Variants in ERC1 observed in about 807,000 individuals in gnomAD.
The protein encoded by ERC1 is RAB6 interacting protein 2.
A neutral mutation model predicts 132.0 loss-of-function variants in ERC1; 56 were observed. That is an observed-to-expected ratio of 0.42 (90% CI 0.34 to 0.53). ERC1 has a LOEUF of 0.53. ERC1 is among the 20% of genes least tolerant of loss of function. ERC1 has a pLI of 0.03. For missense variants in ERC1, 1,202 were observed against 1,349.9 expected (o/e 0.89, Z 1.72); for synonymous variants, 478 against 476.1 (o/e 1.00, Z -0.05).
rs1292451068 is a variant in ERC1, at chr12:1,189,931, A to T, written c.2230A>T (p.Ile744Phe). The T allele has an allele frequency of 1.2e-6, 2 of 1,614,010 alleles. No homozygotes were observed. Among genetic ancestry groups the T allele is most frequent in the Non-Finnish European group, 1.7e-6 (2 of 1,180,004 alleles). Residue 744 changes from isoleucine to phenylalanine, a missense_variant, in exon 12 of 19, where the codon ATC (isoleucine) becomes TTC (phenylalanine). Transcript: ENST00000360905. ...SDRIQHLEREITRYKDESSKA... is the reference protein window; with the variant it reads ...SDRIQHLEREFTRYKDESSKA... ...CCGAATACAGCACTTGGAGAGAGAGATCACCAGGTACAAAGATGAATCTAG... is the reference window on the plus strand; with the variant it reads ...CCGAATACAGCACTTGGAGAGAGAGTTCACCAGGTACAAAGATGAATCTAG...
chr12:1,138,196 T>TACA (rs569051230), intron 7 of ERC1, among the ~76,000 whole-genome samples: 1 of 110,730 alleles, frequency 9.0e-6, no homozygotes, highest in African/African-American at 3.8e-5. Context: ...CATATATAAT[T>TACA]ATATATGATA....
intron 3 of ERC1, among the ~76,000 whole-genome samples, chr12:1,093,305 A>G (rs1237671981): frequency 6.6e-6 from 1 of 152,146 alleles, no homozygotes; most frequent in African/African-American, 2.4e-5. Flanking sequence ...TAGCTTTTGT[A>G]TTATTTCGCT....
chr12:1,345,187 C>CTTCTTTTTTTT lies in ERC1; in HGVS notation c.2781-26644_2781-26643insCTTTTTTTTTT, dbSNP rs1555368776. ...AGAGAATTTCAGTAGAATATTTCTTCTTTTTTTTTTTGAGACGGAGTCTCA... is the reference window on the plus strand; with the variant it reads ...AGAGAATTTCAGTAGAATATTTCTTCTTCTTTTTTTTTTTTTTTTTTTGAGACGGAGTCTCA... On this transcript the variant is annotated intron_variant, in intron 15 of 18. Coordinates refer to ENST00000360905, the MANE Select transcript of ERC1 (RefSeq NM_178040.4). 3.3e-3 allele frequency among the ~76,000 whole-genome samples: 432 copies of CTTCTTTTTTTT among 131,468 alleles called. 6 individuals are homozygous for CTTCTTTTTTTT. The highest frequency in any genetic ancestry group is 0.012 in the African/African-American group (409 of 33,788). 86.2% of individuals were successfully genotyped at this position (131,468 alleles called of 152,430 possible). A position where few individuals can be genotyped will look rare whatever the true frequency, so the allele number is the denominator to read the frequency against.
At chr12:1,222,900 T>C (rs567102579) in intron 12 of ERC1, among the ~76,000 whole-genome samples, 2 of 152,326 alleles carry the variant, frequency 1.3e-5, no homozygotes, top group African/African-American at 4.8e-5. Flanking sequence ...CAATTAATTT[T>C]GCTAGGTGTT....
intron 18 of ERC1, among the ~76,000 whole-genome samples, chr12:1,487,372 A>ATTTTTTTTTTTTTT (rs574707385): frequency 1.7e-5 from 1 of 57,920 alleles, no homozygotes; most frequent in African/African-American, 6.2e-5. Flanking sequence ...AAGCATCTAG[A>ATTTTTTTTTTTTTT]TTTTTTTTTT....
At chr12:1,260,741 T>C (rs2077090764) in intron 13 of ERC1, among the ~76,000 whole-genome samples, 2 of 152,228 alleles carry the variant, frequency 1.3e-5, no homozygotes, top group South Asian at 4.1e-4. Context: ...TTCTTTCTCT[T>C]GTATTTTACT....
At chr12:1,092,412 T>G (rs1943368173) in intron 3 of ERC1, among the ~76,000 whole-genome samples, 1 of 152,266 alleles carries the variant, frequency 6.6e-6, no homozygotes, top group Admixed American at 6.5e-5. Context: ...GCAGTCCTGG[T>G]ATATTTGTTT....
rs572079378 is a variant in ERC1, at chr12:1,445,700, G to T, written c.3213+950G>T. On this transcript the variant is annotated intron_variant, in intron 18 of 18. Transcript: ENST00000360905. ...TGGAATTACCTTTTGAAGGAAGTAC[G>T]ATTCTTGGCTCAGTGTAACTTACTC... Among the ~76,000 whole-genome samples, 3 of 152,298 alleles carry T rather than the reference G, an allele frequency of 2.0e-5. No homozygotes were observed. In the East Asian group the frequency reaches 5.8e-4, roughly 29 times the overall value.
chr12:1,265,135 G>A (rs954986614), intron 14 of ERC1, among the ~76,000 whole-genome samples: 2 of 152,176 alleles, frequency 1.3e-5, no homozygotes, highest in African/African-American at 4.8e-5. Context: ...CTTCAGAGAA[G>A]GGATGGTGAC....
intron 16 of ERC1, chr12:1,380,021 A>C (rs1390009617): frequency 1.3e-5 from 2 of 152,032 alleles, no homozygotes; most frequent in African/African-American, 2.4e-5. Flanking sequence ...AAATACACAC[A>C]ACAGGTTGGA....
At chr12:1,255,811 A>ATT (rs112251784) in intron 13 of ERC1, among the ~76,000 whole-genome samples, 3 of 145,996 alleles carry the variant, frequency 2.1e-5, no homozygotes, top group South Asian at 2.2e-4. Context: ...TTTTTTTTGT[A>ATT]TTTTTTTTTA....
intron 3 of ERC1, among the ~76,000 whole-genome samples, chr12:1,084,213 G>A (rs200389800): frequency 2.4e-4 from 37 of 152,244 alleles, no homozygotes; most frequent in East Asian, 5.8e-4. Flanking sequence ...TTAAGAAGGC[G>A]TAAAGGAAGA....
At chr12:1,028,721 C>T (rs927467479) in intron 2 of ERC1, 149 bp downstream of exon 2, 1 of 716,994 alleles carries the variant, frequency 1.4e-6, no homozygotes, top group East Asian at 2.7e-5. Flanking sequence ...CTCCATTTCT[C>T]AGCCCTTTCC....
intron 18 of ERC1, among the ~76,000 whole-genome samples, chr12:1,449,134 G>A (rs184807037): frequency 1.2e-3 from 181 of 152,314 alleles, no homozygotes; most frequent in Non-Finnish European, 2.0e-3. Flanking sequence ...TTTGGAGTAG[G>A]TGTATTTACC....
At chr12:1,379,853 AT>A (rs529996338) in intron 16 of ERC1, among the ~76,000 whole-genome samples, 36 of 152,218 alleles carry the variant, frequency 2.4e-4, no homozygotes, top group African/African-American at 7.5e-4. Flanking sequence ...CAACCCTTAT[AT>A]AGTATAGGAG....
chr12:1,140,853 A>G (rs747648382), intron 7 of ERC1, among the ~76,000 whole-genome samples: 15 of 152,166 alleles, frequency 9.9e-5, no homozygotes, highest in Non-Finnish European at 1.9e-4. Flanking sequence ...GCTCATTAAT[A>G]GTTTTTTATA....
chr12:1,326,176 C>G (rs915670230), intron 15 of ERC1, among the ~76,000 whole-genome samples: 4 of 152,144 alleles, frequency 2.6e-5, no homozygotes, highest in African/African-American at 9.7e-5. Context: ...GAAAAATCCT[C>G]ACCGTTTTAC....
chr12:1,156,954 A>G (rs1431578362), intron 8 of ERC1, among the ~76,000 whole-genome samples: 3 of 151,700 alleles, frequency 2.0e-5, no homozygotes, highest in South Asian at 2.1e-4. Flanking sequence ...TTACAAATAC[A>G]TTTTCCTGTT....
chr12:1,236,370 A>G (rs769863400), intron 12 of ERC1, among the ~76,000 whole-genome samples: 19 of 152,228 alleles, frequency 1.2e-4, no homozygotes, highest in Admixed American at 3.9e-4. Context: ...TAATAATGGT[A>G]AAATTAGAGT....
Sources: gnomAD v4.1 joint callset for allele counts (sites outside exome capture counted in the v4.1 genomes callset) on GRCh38, gnomAD v4.1.1 for gene constraint, MANE v1.5 for transcripts, NCBI Gene and HGNC (gene_info 2026-07-23, HGNC 2026-07-21) for gene names.